SH3BGRL2: variants seen among roughly 807,000 people sequenced by gnomAD.
SH3BGRL2 encodes the protein SH3 domain-binding glutamic acid-rich-like protein 2.
A neutral mutation model predicts 14.8 loss-of-function variants in SH3BGRL2; 21 were observed. The ratio of observed to expected loss-of-function variants is 1.42; its 90% CI spans 1.01 to 2.05. The LOEUF is 2.05. Ranked by LOEUF, SH3BGRL2 falls within the 30% of genes most tolerant of loss-of-function variation. The probability of loss-of-function intolerance (pLI) is 0.00; values close to 1 mark genes in which losing one functional copy is unlikely to be tolerated. For synonymous variants in SH3BGRL2, 50 were observed against 47.8 expected (o/e 1.05, Z -0.19); for missense variants, 147 against 130.8 (o/e 1.12, Z -0.61).
intron 2 of SH3BGRL2, among the ~76,000 whole-genome samples, chr6:79,692,118 A>AT (rs1770231902): frequency 6.6e-6 from 1 of 152,090 alleles, no homozygotes; most frequent in Non-Finnish European, 1.5e-5. Context: ...GATGATGAGC[A>AT]TTTTTTCATG....
chr6:79,700,286 A>C lies in SH3BGRL2; in HGVS notation c.*777A>C, dbSNP rs867156679. 1.3e-5 allele frequency: 2 copies of C among 152,194 alleles called. No homozygotes were observed. The highest frequency in any genetic ancestry group is 4.1e-4 in the South Asian group (2 of 4,830). The allele number at this position is 152,194 out of a possible 1,614,324, so 9.4% of individuals were successfully genotyped here. A position where few individuals can be genotyped will look rare whatever the true frequency, so the allele number is the denominator to read the frequency against. On this transcript the variant is annotated 3_prime_UTR_variant, in exon 4 of 4. Transcript: ENST00000369838. ...TTAAGTGGTGCACTAATTAGTGAAT[A>C]TATAGGAAAATTATCTGACGAGTAT...
chr6:79,630,462 A>G (rs935797171), upstream of SH3BGRL2, among the ~76,000 whole-genome samples: 7 of 152,224 alleles, frequency 4.6e-5, no homozygotes, highest in African/African-American at 1.7e-4. Context: ...CTTGATAAAA[A>G]ACTATTCCTA....
intron 3 of SH3BGRL2, 60 bp downstream of exon 3, chr6:79,696,625 G>A: frequency 1.6e-6 from 2 of 1,263,630 alleles, no homozygotes; most frequent in South Asian, 1.4e-5. Flanking sequence ...TTTTCTTAGA[G>A]ATGTAGAGTG....
chr6:79,566,897 TAAA>T, the SH3BGRL2 span, among the ~76,000 whole-genome samples: 32 of 136,834 alleles, frequency 2.3e-4, no homozygotes, highest in Admixed American at 5.8e-4. Flanking sequence ...ACTCTGTCTC[TAAA>T]AAAAAAAAAA....
At chr6:79,656,555 G>C (rs1472279228) in intron 1 of SH3BGRL2, among the ~76,000 whole-genome samples, 1 of 152,200 alleles carries the variant, frequency 6.6e-6, no homozygotes, top group East Asian at 1.9e-4. Flanking sequence ...CGTATTTGCA[G>C]GTTCCACATC....
chr6:79,566,467 C>A, the SH3BGRL2 span, among the ~76,000 whole-genome samples: 1 of 152,040 alleles, frequency 6.6e-6, no homozygotes, highest in African/African-American at 2.4e-5. Flanking sequence ...ATATATTATT[C>A]TATTGTCCCA....
At chr6:79,538,706 C>T in the SH3BGRL2 span, among the ~76,000 whole-genome samples, 1 of 152,174 alleles carries the variant, frequency 6.6e-6, no homozygotes, top group African/African-American at 2.4e-5. Context: ...ACCGTATTTA[C>T]GTGGACAAAT....
chr6:79,569,249 A>G, the SH3BGRL2 span, among the ~76,000 whole-genome samples: 1 of 152,242 alleles, frequency 6.6e-6, no homozygotes, highest in Non-Finnish European at 1.5e-5. Flanking sequence ...AAGACCTGGA[A>G]TGAATAGAAG....
chr6:79,547,349 G>A, the SH3BGRL2 span, among the ~76,000 whole-genome samples: 2 of 152,106 alleles, frequency 1.3e-5, no homozygotes, highest in African/African-American at 2.4e-5. Context: ...GTACACTACT[G>A]GTAGACCTGA....
At chr6:79,594,614 A>G in the SH3BGRL2 span, among the ~76,000 whole-genome samples, 3 of 152,024 alleles carry the variant, frequency 2.0e-5, no homozygotes, top group African/African-American at 7.2e-5. Flanking sequence ...GGTACTCTCT[A>G]TGGGAAAGGT....
chr6:79,576,066 A>G, the SH3BGRL2 span, among the ~76,000 whole-genome samples: 4 of 152,290 alleles, frequency 2.6e-5, no homozygotes, highest in East Asian at 7.7e-4. Flanking sequence ...GTTAATCACT[A>G]TGATAGCCTA....
At chr6:79,653,561 G>C (rs1016694347) in intron 1 of SH3BGRL2, among the ~76,000 whole-genome samples, 1 of 152,166 alleles carries the variant, frequency 6.6e-6, no homozygotes, top group African/African-American at 2.4e-5. Flanking sequence ...GTCCTTTAAA[G>C]AAATAAAGGA....
chr6:79,649,985 T>TCTCTCTCTCACACACACA (rs765159303), intron 1 of SH3BGRL2, among the ~76,000 whole-genome samples: 92 of 142,072 alleles, frequency 6.5e-4, no homozygotes, highest in Non-Finnish European at 1.0e-3. Context: ...TCTCTCTCTC[T>TCTCTCTCTCACACACACA]CACACACACA....
chr6:79,577,450 A>T, the SH3BGRL2 span, among the ~76,000 whole-genome samples: 1 of 152,244 alleles, frequency 6.6e-6, no homozygotes, highest in African/African-American at 2.4e-5. Flanking sequence ...TAAACCCTTT[A>T]CTATGCTCAG....
At chr6:79,562,947 TTTTG>T in the SH3BGRL2 span, among the ~76,000 whole-genome samples, 4 of 152,154 alleles carry the variant, frequency 2.6e-5, no homozygotes, top group East Asian at 1.9e-4. Flanking sequence ...GGTCTATATT[TTTTG>T]TTTGTTTGTT....
chr6:79,613,687 C>T, the SH3BGRL2 span, among the ~76,000 whole-genome samples: 1 of 152,042 alleles, frequency 6.6e-6, no homozygotes, highest in South Asian at 2.1e-4. Context: ...CTCACTGCAA[C>T]CTCCATCTCC....
the SH3BGRL2 span, among the ~76,000 whole-genome samples, chr6:79,545,448 A>G: frequency 1.3e-5 from 2 of 152,222 alleles, no homozygotes; most frequent in Non-Finnish European, 2.9e-5. Flanking sequence ...AGGAATTAAC[A>G]TATTTATGTT....
At chr6:79,545,671 C>A in the SH3BGRL2 span, among the ~76,000 whole-genome samples, 5 of 152,158 alleles carry the variant, frequency 3.3e-5, no homozygotes, top group Admixed American at 3.3e-4. Context: ...CTGCATAATA[C>A]TAGGGAAAAC....
In SH3BGRL2 at chr6:79,699,725, A is replaced by G. The variant is rs1261192537; in HGVS notation, c.*216A>G. 4 of 553,204 alleles carry G rather than the reference A, an allele frequency of 7.2e-6. No individual in the cohort carries two copies. The highest frequency in any genetic ancestry group is 3.9e-5 in the African/African-American group (2 of 51,164). 34.3% of individuals were successfully genotyped at this position (553,204 alleles called of 1,614,324 possible). On this transcript the variant is annotated 3_prime_UTR_variant, in exon 4 of 4. Coordinates refer to ENST00000369838, the MANE Select transcript of SH3BGRL2 (RefSeq NM_031469.4). ...TGGTGGATTTTTTTTTTCTTATTCT[A>G]TTTGCCTGCAGTTGCCTCACTCACC...
Sources: allele counts gnomAD v4.1 joint callset (sites outside exome capture counted in the v4.1 genomes callset), GRCh38; gene constraint gnomAD v4.1.1; transcripts MANE v1.5; gene names NCBI Gene and HGNC (gene_info 2026-07-23, HGNC 2026-07-21).